RBFOX1: variants seen among roughly 807,000 people sequenced by gnomAD.
The protein encoded by RBFOX1 is RNA binding protein fox-1 homolog 1.
RBFOX1 carries 8 observed loss-of-function variants against 57.7 expected under a neutral mutation model. The observed-to-expected ratio is 0.14, with a 90% CI of 0.08 to 0.25. The LOEUF (loss-of-function observed/expected upper bound fraction) is 0.25. Ranked by LOEUF, RBFOX1 falls within the 10% of genes least tolerant of loss-of-function variation. The pLI is 1.00. For synonymous variants in RBFOX1, 326 were observed against 222.4 expected, an observed-to-expected ratio of 1.47 and a Z score of -4.15; for missense variants, 611 against 548.5, an observed-to-expected ratio of 1.11 and a Z score of -1.14.
intron 4 of RBFOX1, among the ~76,000 whole-genome samples, chr16:7,432,210 T>C (rs1265065853): frequency 6.6e-6 from 1 of 152,226 alleles, no homozygotes; most frequent in South Asian, 2.1e-4. Flanking sequence ...GTCTGACTTT[T>C]CTTAGTTTTC....
intron 3 of RBFOX1, among the ~76,000 whole-genome samples, chr16:5,860,398 G>T (rs2057182912): frequency 6.6e-6 from 1 of 152,138 alleles, no homozygotes; most frequent in South Asian, 2.1e-4. Context: ...TTTGACAATA[G>T]GACTATAAGG....
intron 1 of RBFOX1, among the ~76,000 whole-genome samples, chr16:6,269,743 T>G (rs551011876): frequency 6.6e-6 from 1 of 152,244 alleles, no homozygotes; most frequent in African/African-American, 2.4e-5. Context: ...TGAAAGAAAT[T>G]TTCTAAACAG....
intron 3 of RBFOX1, among the ~76,000 whole-genome samples, chr16:5,606,558 C>T (rs1341337137): frequency 1.3e-5 from 2 of 152,076 alleles, no homozygotes; most frequent in Admixed American, 6.5e-5. Flanking sequence ...ATCACAGTCA[C>T]TGCTAAGAGT....
chr16:6,189,274 C>T (rs918367275), intron 1 of RBFOX1, among the ~76,000 whole-genome samples: 14 of 152,198 alleles, frequency 9.2e-5, no homozygotes, highest in Non-Finnish European at 1.6e-4. Context: ...AGAGAGCTTA[C>T]CAAAGGACTG....
chr16:5,969,136 A>G (rs1274344394), intron 4 of RBFOX1, among the ~76,000 whole-genome samples: 1 of 151,906 alleles, frequency 6.6e-6, no homozygotes, highest in Non-Finnish European at 1.5e-5. Context: ...CCCTTTCTCA[A>G]TGCCTGTTGG....
intron 12 of RBFOX1, among the ~76,000 whole-genome samples, chr16:7,659,843 A>G (rs1252080509): frequency 6.6e-6 from 1 of 152,028 alleles, no homozygotes; most frequent in African/African-American, 2.4e-5. Flanking sequence ...CTTTTTTTGG[A>G]GGGGAGAATG....
intron 3 of RBFOX1, among the ~76,000 whole-genome samples, chr16:6,673,040 C>T (rs1480555592): frequency 6.6e-6 from 1 of 152,104 alleles, no homozygotes; most frequent in Non-Finnish European, 1.5e-5. Flanking sequence ...AAAGACAGCT[C>T]CCTGAAGAAA....
intron 3 of RBFOX1, among the ~76,000 whole-genome samples, chr16:5,657,265 C>G (rs1411562643): frequency 6.6e-6 from 1 of 152,198 alleles, no homozygotes; most frequent in Non-Finnish European, 1.5e-5. Flanking sequence ...GATTTCCTGA[C>G]AAATTCACAT....
chr16:6,974,936 C>G (rs7500821), intron 3 of RBFOX1, among the ~76,000 whole-genome samples: 121,151 of 152,078 alleles, frequency 0.8, 48,725 homozygotes, highest in African/African-American at 0.92. Flanking sequence ...TTTTAAAACA[C>G]TTTTTTAAAA....
intron 2 of RBFOX1, among the ~76,000 whole-genome samples, chr16:6,478,410 TA>T (rs1567368330): frequency 1.3e-3 from 31 of 23,570 alleles, no homozygotes; most frequent in African/African-American, 3.6e-3. Context: ...TATATATATA[TA>T]TATATATATA....
chr16:6,995,777 AAAAC>A (rs1291050278), intron 3 of RBFOX1, among the ~76,000 whole-genome samples: 5 of 152,108 alleles, frequency 3.3e-5, no homozygotes, highest in Non-Finnish European at 7.4e-5. Flanking sequence ...ATAATAATAA[AAAAC>A]AAAAAAAGGG....
At chr16:7,665,028 A>T (rs1471984775) in intron 13 of RBFOX1, 60 bp downstream of exon 13, 3 of 1,613,424 alleles carry the variant, frequency 1.9e-6, no homozygotes, top group African/African-American at 2.7e-5. Context: ...TCTTTTTACA[A>T]GTTTGCTGTG....
chr16:7,264,803 C>T (rs559700126), intron 4 of RBFOX1, among the ~76,000 whole-genome samples: 19 of 152,202 alleles, frequency 1.2e-4, no homozygotes, highest in African/African-American at 4.6e-4. Flanking sequence ...TTTGCCAGCC[C>T]TGGTCCAAAC....
Position 5,819,797 on chromosome 16 carries a change from A to G in RBFOX1, c.319-47506A>G, listed in dbSNP as rs2055779890. ...AAATATTATTGAGCACTTTCTTTAC[A>G]TGCTAGATCATGCCCTAGGCAGGCC... is the stretch of plus-strand genomic sequence containing the variant. On this transcript the variant is annotated intron_variant, in intron 3 of 19. Coordinates refer to the RBFOX1 transcript ENST00000641259. Among the ~76,000 whole-genome samples the G allele has an allele frequency of 2.0e-5, 3 of 152,188 alleles. No homozygotes were observed. The South Asian group carries it at 6.2e-4, about 32-fold the overall frequency.
At chr16:6,753,591 T>A (rs183289238) in intron 3 of RBFOX1, among the ~76,000 whole-genome samples, 1 of 152,266 alleles carries the variant, frequency 6.6e-6, no homozygotes, top group East Asian at 1.9e-4. Flanking sequence ...TTTCATCTCT[T>A]CATCAACTCC....
chr16:5,572,800 G>A (rs751914682), intron 2 of RBFOX1, among the ~76,000 whole-genome samples: 2 of 152,178 alleles, frequency 1.3e-5, no homozygotes, highest in Non-Finnish European at 2.9e-5. Context: ...AGGGCAATCG[G>A]GATGGGGCAG....
At chr16:7,251,561 C>A (rs765490687) in intron 4 of RBFOX1, among the ~76,000 whole-genome samples, 12 of 151,892 alleles carry the variant, frequency 7.9e-5, no homozygotes, top group Non-Finnish European at 1.6e-4. Context: ...CACGTGTCTC[C>A]CCTCGCCGCC....
intron 1 of RBFOX1, among the ~76,000 whole-genome samples, chr16:6,024,955 G>A (rs1390222317): frequency 6.6e-6 from 1 of 152,198 alleles, no homozygotes; most frequent in Non-Finnish European, 1.5e-5. Context: ...CAGAGAAGGG[G>A]ACCAACAAGC....
intron 3 of RBFOX1, among the ~76,000 whole-genome samples, chr16:5,803,266 C>T (rs746731605): frequency 2.0e-5 from 3 of 152,156 alleles, no homozygotes; most frequent in Admixed American, 1.3e-4. Flanking sequence ...GAGCTTGGTT[C>T]GTCTCTGACA....
Sources: gnomAD v4.1 joint callset for allele counts (sites outside exome capture counted in the v4.1 genomes callset) on GRCh38, gnomAD v4.1.1 for gene constraint, MANE v1.5 for transcripts, NCBI Gene and HGNC (gene_info 2026-07-23, HGNC 2026-07-21) for gene names.